DTNA: variants seen among roughly 807,000 people sequenced by gnomAD.
The protein encoded by DTNA is dystrobrevin alpha.
A neutral mutation model predicts 100.7 loss-of-function variants in DTNA; 43 were observed. The observed-to-expected ratio is 0.43, with a 90% CI of 0.33 to 0.55. DTNA has a LOEUF of 0.55. DTNA is among the 20% of genes least tolerant of loss of function. DTNA has a pLI of 0.04. For missense variants in DTNA, 798 were observed against 953.9 expected (o/e 0.84, Z 2.15); for synonymous variants, 349 against 347.9 (o/e 1.00, Z -0.04).
At chr18:34,837,953 A>G in intron 11 of DTNA, 141 bp from the exon 12 acceptor site, 1 of 820,304 alleles carries the variant, frequency 1.2e-6, no homozygotes, top group Non-Finnish European at 2.0e-6. Flanking sequence ...AAATCTGAAA[A>G]CATCTTGAAC....
intron 1 of DTNA, among the ~76,000 whole-genome samples, chr18:34,594,532 A>G (rs1410085170): frequency 6.6e-6 from 1 of 152,222 alleles, no homozygotes; most frequent in Non-Finnish European, 1.5e-5. Context: ...TGTTAAATGT[A>G]ACTGGCCAGT....
At chr18:34,758,183 A>G (rs1314881162) in intron 2 of DTNA, among the ~76,000 whole-genome samples, 1 of 152,020 alleles carries the variant, frequency 6.6e-6, no homozygotes, top group Non-Finnish European at 1.5e-5. Flanking sequence ...GGAAACTCTT[A>G]TCAGAGAAGA....
intron 17 of DTNA, chr18:34,868,493 T>C: frequency 1.0e-6 from 1 of 985,452 alleles, no homozygotes; most frequent in Non-Finnish European, 1.2e-6. Flanking sequence ...TGGCATCTGC[T>C]TCTAAATTCT....
intron 1 of DTNA, among the ~76,000 whole-genome samples, chr18:34,690,601 A>T (rs944703573): frequency 6.6e-6 from 1 of 152,164 alleles, no homozygotes; most frequent in Non-Finnish European, 1.5e-5. Context: ...ACAATGGGAG[A>T]TTTTAAATAA....
At chr18:34,587,135 C>G (rs1397101299) in intron 1 of DTNA, among the ~76,000 whole-genome samples, 2 of 151,116 alleles carry the variant, frequency 1.3e-5, no homozygotes, top group East Asian at 3.9e-4. Context: ...GTAAATGCCA[C>G]CATGCCTGGC....
In DTNA at chr18:34,875,318, C is replaced by T; in HGVS notation, c.1823C>T (p.Ser608Leu). Residue 608 changes from serine to leucine, a missense_variant, in exon 18 of 23, where the codon TCA (serine) becomes TTA (leucine). This residue lies in a region of DTNA where 242 missense variants were observed against 238.2 expected (regional missense o/e 1.02). Coordinates refer to ENST00000444659, the MANE Select transcript of DTNA (RefSeq NM_001386795.1). Reference sequence around the variant, plus strand: ...ATTCCCATGCCCATCCGGTCAGCGTCAGCCTGCTCCACCCCGACGCACACG... The same window carrying T: ...ATTCCCATGCCCATCCGGTCAGCGTTAGCCTGCTCCACCCCGACGCACACG... ...RPIPMPIRSA[S>L]ACSTPTHTPQ... 1.2e-6 allele frequency: 2 copies of T among 1,614,256 alleles called. No individual in the cohort carries two copies. The highest frequency in any genetic ancestry group is 3.3e-4 in the Middle Eastern group (2 of 6,062).
intron 1 of DTNA, among the ~76,000 whole-genome samples, chr18:34,520,220 G>A (rs1167602104): frequency 6.6e-6 from 1 of 152,122 alleles, no homozygotes; most frequent in Non-Finnish European, 1.5e-5. Flanking sequence ...TCCCATTTTG[G>A]TTTAGAAGAC....
At chr18:34,611,087 C>T (rs1454074030) in intron 1 of DTNA, among the ~76,000 whole-genome samples, 1 of 152,082 alleles carries the variant, frequency 6.6e-6, no homozygotes, top group Non-Finnish European at 1.5e-5. Flanking sequence ...CTTGTATTCA[C>T]CTGTATTGTG....
chr18:34,526,815 A>C (rs1197730798), intron 1 of DTNA, among the ~76,000 whole-genome samples: 1 of 152,100 alleles, frequency 6.6e-6, no homozygotes, highest in Non-Finnish European at 1.5e-5. Context: ...ATGAGAAGCC[A>C]TTTTTATGGA....
At chr18:34,721,446 G>A (rs1217605422) in intron 1 of DTNA, among the ~76,000 whole-genome samples, 1 of 152,072 alleles carries the variant, frequency 6.6e-6, no homozygotes, top group Admixed American at 6.6e-5. Flanking sequence ...TTAAAAGGTT[G>A]TTTATTTTGG....
At chr18:34,829,364 A>G (rs1260066766) in intron 10 of DTNA, 36 bp from the exon 11 acceptor site, 3 of 1,534,692 alleles carry the variant, frequency 2.0e-6, no homozygotes, top group Admixed American at 2.0e-5. Context: ...TGTCCATGGG[A>G]AGTTTTAATG....
At chr18:34,770,232 G>C (rs1050560083) in intron 3 of DTNA, among the ~76,000 whole-genome samples, 1 of 151,640 alleles carries the variant, frequency 6.6e-6, no homozygotes. Flanking sequence ...AGTGAAAATA[G>C]ATTGTTTACT....
intron 1 of DTNA, among the ~76,000 whole-genome samples, chr18:34,555,688 G>C (rs2045955725): frequency 1.3e-5 from 2 of 152,274 alleles, no homozygotes; most frequent in African/African-American, 2.4e-5. Context: ...GAGCGGTTTT[G>C]AGTGAGATTC....
chr18:34,773,366 A>G (rs1211305554), intron 3 of DTNA, among the ~76,000 whole-genome samples: 1 of 152,218 alleles, frequency 6.6e-6, no homozygotes, highest in African/African-American at 2.4e-5. Flanking sequence ...AATAAAGTTT[A>G]AAGTCGGAAA....
intron 13 of DTNA, among the ~76,000 whole-genome samples, chr18:34,841,924 A>G (rs1258543145): frequency 6.6e-6 from 1 of 152,216 alleles, no homozygotes. Flanking sequence ...AGAAACACTT[A>G]TGTCATTGCT....
rs577461437 is a variant in DTNA at position 34,714,010 on chromosome 18, G to T, written c.-2+3565G>T. On this transcript the variant is annotated intron_variant, in intron 1 of 22. Coordinates refer to ENST00000444659, the MANE Select transcript of DTNA (RefSeq NM_001386795.1). ...GATTCCCTATTTAATAAATGGTGCT[G>T]GGAAAACTGGCTAGCCATATGTAGA... 3.7e-3 allele frequency among the ~76,000 whole-genome samples: 563 copies of T among 151,744 alleles called. 7 individuals are homozygous for T. The highest frequency in any genetic ancestry group is 0.013 in the African/African-American group (526 of 41,372).
intron 11 of DTNA, among the ~76,000 whole-genome samples, chr18:34,836,541 G>A (rs189563439): frequency 5.9e-4 from 89 of 151,650 alleles, no homozygotes; most frequent in Admixed American, 1.1e-3. Flanking sequence ...CCAACTACTC[G>A]GGAGGCTGAG....
intron 1 of DTNA, among the ~76,000 whole-genome samples, chr18:34,605,633 G>GCGCA (rs1555644333): frequency 9.8e-5 from 14 of 142,332 alleles, no homozygotes; most frequent in African/African-American, 3.6e-4. Flanking sequence ...TGCAACTCAG[G>GCGCA]CACACACACA....
At chr18:34,562,127 AG>A (rs1371032096) in intron 1 of DTNA, among the ~76,000 whole-genome samples, 2 of 152,228 alleles carry the variant, frequency 1.3e-5, no homozygotes, top group Non-Finnish European at 2.9e-5. Context: ...TTACTGTCAA[AG>A]GACATTTATG....
Sources: gnomAD v4.1 joint callset for allele counts (sites outside exome capture counted in the v4.1 genomes callset) on GRCh38, gnomAD v4.1.1 for gene constraint, gnomAD v4.1.1 regional missense constraint, MANE v1.5 for transcripts, NCBI Gene and HGNC (gene_info 2026-07-23, HGNC 2026-07-21) for gene names.